The following LRP1B variants were observed in gnomAD, a reference collection of about 807,000 sequenced individuals.
The protein encoded by LRP1B is LDL receptor related protein 1B.
In LRP1B, 217 loss-of-function variants were observed where a neutral mutation model predicts 556.6. The ratio of observed to expected loss-of-function variants is 0.39; its 90% CI spans 0.35 to 0.44. LRP1B has a LOEUF of 0.44. Among genes scored for constraint, LRP1B ranks in the 20% least tolerant of loss-of-function variants. LRP1B has a pLI of 1.00. For missense variants in LRP1B, 5,053 were observed against 5,620.8 expected (o/e 0.90, Z 3.23); for synonymous variants, 2,047 against 1,865.8 (o/e 1.10, Z -2.50).
At chr2:142,066,913 T>C (rs770947635) in intron 1 of LRP1B, among the ~76,000 whole-genome samples, 3 of 151,358 alleles carry the variant, frequency 2.0e-5, no homozygotes, top group Non-Finnish European at 3.0e-5. Context: ...GTACCATGGG[T>C]TTCACTTAGC....
At chr2:141,722,016 A>G (rs1692834518) in intron 2 of LRP1B, among the ~76,000 whole-genome samples, 1 of 152,188 alleles carries the variant, frequency 6.6e-6, no homozygotes, top group Non-Finnish European at 1.5e-5. Flanking sequence ...GTAAAACCCA[A>G]GTTACTAGAG....
chr2:141,153,454 A>G (rs1407515883), intron 7 of LRP1B, among the ~76,000 whole-genome samples: 1 of 121,210 alleles, frequency 8.3e-6, no homozygotes, highest in African/African-American at 3.2e-5. Context: ...TATTAGCTAT[A>G]TATTTATATA....
chr2:140,472,981 G>A (rs909257637), intron 60 of LRP1B, among the ~76,000 whole-genome samples: 3 of 152,012 alleles, frequency 2.0e-5, no homozygotes, highest in Non-Finnish European at 4.4e-5. Flanking sequence ...TAGTGATGAA[G>A]TAACACAAAA....
At chr2:140,458,091 T>C (rs143698617) in intron 60 of LRP1B, among the ~76,000 whole-genome samples, 370 of 152,216 alleles carry the variant, frequency 2.4e-3, no homozygotes, top group African/African-American at 8.2e-3. Context: ...CCTACTTTTT[T>C]CACATGTAAA....
At chr2:141,486,127 G>A (rs911439111) in intron 2 of LRP1B, among the ~76,000 whole-genome samples, 1 of 152,120 alleles carries the variant, frequency 6.6e-6, no homozygotes, top group African/African-American at 2.4e-5. Flanking sequence ...AAATCTAAAT[G>A]TAGGTGACCT....
intron 78 of LRP1B, among the ~76,000 whole-genome samples, chr2:140,335,196 A>G (rs1201322478): frequency 1.3e-5 from 2 of 149,520 alleles, no homozygotes; most frequent in African/African-American, 2.5e-5. Flanking sequence ...GTGCATGTGT[A>G]TATATATATG....
chr2:140,504,511 T>C (rs892060548), intron 53 of LRP1B, among the ~76,000 whole-genome samples: 1 of 152,192 alleles, frequency 6.6e-6, no homozygotes, highest in Non-Finnish European at 1.5e-5. Context: ...TAATATTACT[T>C]ATCCTCGTTG....
intron 66 of LRP1B, among the ~76,000 whole-genome samples, chr2:140,387,699 T>C (rs1683823160): frequency 1.3e-5 from 2 of 152,144 alleles, no homozygotes; most frequent in South Asian, 4.1e-4. Context: ...GTCTGTGTTA[T>C]ATTTAACTTT....
intron 42 of LRP1B, among the ~76,000 whole-genome samples, chr2:140,600,576 A>G (rs1682615097): frequency 6.6e-6 from 1 of 152,056 alleles, no homozygotes; most frequent in African/African-American, 2.4e-5. Flanking sequence ...AATCACACCT[A>G]AAACGAACTC....
chr2:140,269,086 C>T (rs983986612), intron 86 of LRP1B, among the ~76,000 whole-genome samples: 1 of 151,936 alleles, frequency 6.6e-6, no homozygotes, highest in Admixed American at 6.6e-5. Flanking sequence ...GACACTCTAG[C>T]AGTCTGTGGT....
At chr2:140,935,432 G>T (rs1695173731) in intron 20 of LRP1B, among the ~76,000 whole-genome samples, 1 of 152,058 alleles carries the variant, frequency 6.6e-6, no homozygotes, top group Non-Finnish European at 1.5e-5. Flanking sequence ...GCAGATTTGA[G>T]CTGGAAGAAG....
At chr2:141,527,822 C>T (rs969607432) in intron 2 of LRP1B, among the ~76,000 whole-genome samples, 1 of 152,060 alleles carries the variant, frequency 6.6e-6, no homozygotes, top group Non-Finnish European at 1.5e-5. Context: ...TACTACAGAG[C>T]TTTTCCAGGC....
chr2:141,807,902 C>T (rs2105701257), intron 2 of LRP1B, among the ~76,000 whole-genome samples: 1 of 152,118 alleles, frequency 6.6e-6, no homozygotes, highest in East Asian at 1.9e-4. Flanking sequence ...GGGTATCTGC[C>T]ATGTTTCTAG....
At chr2:140,901,685 A>G (rs952028548) in intron 23 of LRP1B, among the ~76,000 whole-genome samples, 2 of 152,220 alleles carry the variant, frequency 1.3e-5, no homozygotes, top group Non-Finnish European at 2.9e-5. Flanking sequence ...ATAAGAATAA[A>G]GTGTTTCAAA....
At chr2:140,319,293 A>C (rs1483291129) in intron 82 of LRP1B, among the ~76,000 whole-genome samples, 1 of 152,152 alleles carries the variant, frequency 6.6e-6, no homozygotes, top group African/African-American at 2.4e-5. Flanking sequence ...GAGCCAATGT[A>C]AAAGTCACTT....
chr2:140,402,796 A>AG (rs1684564734), intron 66 of LRP1B, among the ~76,000 whole-genome samples: 1 of 152,222 alleles, frequency 6.6e-6, no homozygotes, highest in African/African-American at 2.4e-5. Context: ...GTTTCTACCC[A>AG]GGGATACCTC....
At chr2:141,314,161 C>T (rs779283325) in intron 3 of LRP1B, among the ~76,000 whole-genome samples, 25 of 152,110 alleles carry the variant, frequency 1.6e-4, no homozygotes, top group Non-Finnish European at 2.8e-4. Flanking sequence ...TAAAAATATA[C>T]TCGCATGCCT....
intron 1 of LRP1B, among the ~76,000 whole-genome samples, chr2:141,916,526 G>T (rs1156868609): frequency 5.0e-5 from 7 of 139,468 alleles, no homozygotes; most frequent in Admixed American, 4.6e-4. Flanking sequence ...CACCATGCCT[G>T]GCTAATTTTT....
intron 5 of LRP1B, among the ~76,000 whole-genome samples, chr2:141,239,208 T>G (rs1340952108): frequency 6.6e-6 from 1 of 152,068 alleles, no homozygotes; most frequent in African/African-American, 2.4e-5. Context: ...CTTTAAAAGG[T>G]AAAGCCTTCA....
Sources: gnomAD v4.1 joint callset for allele counts (sites outside exome capture counted in the v4.1 genomes callset) on GRCh38, gnomAD v4.1.1 for gene constraint, MANE v1.5 for transcripts, NCBI Gene and HGNC (gene_info 2026-07-23, HGNC 2026-07-21) for gene names.